The following GATM variants were observed in gnomAD, a reference collection of about 807,000 sequenced individuals.
GATM encodes glycine amidinotransferase, also known as glycine amidinotransferase, mitochondrial.
A neutral mutation model predicts 54.2 loss-of-function variants in GATM; 23 were observed. The ratio of observed to expected loss-of-function variants is 0.42; its 90% CI spans 0.31 to 0.60. The LOEUF is 0.60. Ranked by LOEUF, GATM falls within the 20% of genes least tolerant of loss-of-function variation. The pLI is 0.14. For missense variants in GATM, 401 were observed against 544.9 expected (o/e 0.74, Z 2.63); for synonymous variants, 168 against 183.1 (o/e 0.92, Z 0.67).
chr15:45,391,153 C>T (rs1352713910), intron 3 of GATM, among the ~76,000 whole-genome samples: 1 of 151,958 alleles, frequency 6.6e-6, no homozygotes, highest in East Asian at 1.9e-4. Flanking sequence ...GCCTGTAATC[C>T]CAGCACTTTG....
intron 6 of GATM, 24 bp from the exon 7 acceptor site, chr15:45,364,884 A>C (rs1274543430): frequency 1.9e-6 from 3 of 1,600,540 alleles, no homozygotes; most frequent in African/African-American, 2.7e-5. Context: ...AAAAACCCCC[A>C]AAACCGTTAA....
chr15:45,399,692 A>G (rs951139865), intron 1 of GATM: 1 of 152,226 alleles, frequency 6.6e-6, no homozygotes, highest in African/African-American at 2.4e-5. Context: ...ATATAGAGAC[A>G]ACAGATGGCT....
chr15:45,368,032 A>G lies in GATM; in HGVS notation c.675+38T>C. 1 of 1,573,604 alleles carries G rather than the reference A, an allele frequency of 6.4e-7. No homozygotes were observed. Among genetic ancestry groups the G allele is most frequent in the East Asian group, 2.2e-5 (1 of 44,686 alleles). ...TCTTACTCTTTGTGGATCATTTAGA[A>G]AAGTTAGTAATAAGCTAGCCTATAA... On this transcript the variant is annotated intron_variant, in intron 4 of 8. Transcript: ENST00000396659. This position sits in a 1 kb window ranked among gnomAD's most constrained non-coding sequence, Gnocchi z 5.1.
chr15:45,396,875 A>G (rs1889940507), intron 3 of GATM: 2 of 150,212 alleles, frequency 1.3e-5, no homozygotes, highest in Non-Finnish European at 2.9e-5. Flanking sequence ...GTCTCAAAAA[A>G]AAAAAAAAAA....
At chr15:45,370,195 G>A (rs376573635) in intron 2 of GATM, among the ~76,000 whole-genome samples, 2 of 151,874 alleles carry the variant, frequency 1.3e-5, no homozygotes, top group African/African-American at 4.8e-5. Flanking sequence ...GGCCAACATG[G>A]GGAAACCCCA....
rs1889368793 is a variant in GATM at position 45,361,782 on chromosome 15, G to GA, written c.*326dup. 1 of 489,102 alleles carries GA rather than the reference G, an allele frequency of 2.0e-6. No homozygotes were observed. The highest frequency in any genetic ancestry group is 2.0e-5 in the African/African-American group (1 of 51,240). The allele number at this position is 489,102 out of a possible 1,614,324, so 30.3% of individuals were successfully genotyped here. On this transcript the variant is annotated 3_prime_UTR_variant, in exon 9 of 9. Transcript: ENST00000396659. ...GACCAACATTTCAAGCTGCCTTTTGGAAAGAAAATTAAAAACAGAGGTAGA... is the reference window on the plus strand; with the variant it reads ...GACCAACATTTCAAGCTGCCTTTTGGAAAAGAAAATTAAAAACAGAGGTAGA...
intron 3 of GATM, among the ~76,000 whole-genome samples, chr15:45,394,607 T>C (rs1173619803): frequency 6.6e-6 from 1 of 152,188 alleles, no homozygotes; most frequent in Non-Finnish European, 1.5e-5. Context: ...TTCTGAAACA[T>C]ACTGAGTTCA....
intron 1 of GATM, among the ~76,000 whole-genome samples, chr15:45,400,545 T>G (rs1889988422): frequency 6.6e-6 from 1 of 152,134 alleles, no homozygotes; most frequent in African/African-American, 2.4e-5. Context: ...GGTCAGAGGG[T>G]TCTTGTTTGA....
chr15:45,373,513 A>C (rs939648023), intron 2 of GATM, among the ~76,000 whole-genome samples: 2 of 130,614 alleles, frequency 1.5e-5, no homozygotes, highest in Non-Finnish European at 3.2e-5. Flanking sequence ...AAAAAAATAT[A>C]TATCTATATA....
Position 45,376,723 on chromosome 15 carries a change from C to T in GATM, c.166G>A (p.Ala56Thr). The change falls in exon 2 of 9, where the codon GCC becomes ACC. Residue 56 changes from alanine to threonine, a missense_variant. Physicochemically the swap from Ala to Thr is moderately conservative, Grantham distance 58. Coordinates refer to ENST00000396659, the MANE Select transcript of GATM (RefSeq NM_001482.3). ...SRNSCAADDK[A>T]TEPLPKDCPV... is the part of the protein sequence containing the mutation. ...CAGTCCTTGGGCAGAGGCTCAGTGGCTTTGTCGTCAGCTGCACAGGAGTTC... is the reference window on the plus strand; with the variant it reads ...CAGTCCTTGGGCAGAGGCTCAGTGGTTTTGTCGTCAGCTGCACAGGAGTTC... 3 of 1,614,200 alleles carry T rather than the reference C, an allele frequency of 1.9e-6. No individual in the cohort carries two copies. The highest frequency in any genetic ancestry group is 1.7e-6 in the Non-Finnish European group (2 of 1,180,042).
chr15:45,376,115 G>C (rs1389259258), intron 2 of GATM, among the ~76,000 whole-genome samples: 4 of 152,202 alleles, frequency 2.6e-5, no homozygotes, highest in African/African-American at 9.6e-5. Flanking sequence ...GCAGGAATGA[G>C]GAGGGATCCA....
intron 3 of GATM, among the ~76,000 whole-genome samples, chr15:45,387,001 T>A (rs564823099): frequency 5.9e-5 from 9 of 152,188 alleles, no homozygotes; most frequent in Non-Finnish European, 1.2e-4. Flanking sequence ...TATTCAGAAT[T>A]TAAAAGCAAA....
chr15:45,364,647 C>A (rs1889419057), intron 7 of GATM, 150 bp downstream of exon 7: 2 of 707,946 alleles, frequency 2.8e-6, no homozygotes, highest in South Asian at 3.3e-5. Flanking sequence ...CAGCCTTGTT[C>A]TGATGCTCAC....
intron 2 of GATM, among the ~76,000 whole-genome samples, chr15:45,371,685 T>C (rs991981867): frequency 2.0e-5 from 3 of 152,212 alleles, no homozygotes; most frequent in African/African-American, 4.8e-5. Context: ...AGAACTCAAG[T>C]TCTCTGACTG....
upstream of GATM, chr15:45,378,677 C>T (rs952648585): frequency 2.7e-5 from 11 of 401,888 alleles, no homozygotes; most frequent in African/African-American, 2.1e-4. Context: ...CGGGAAGCGC[C>T]GCGGCCGCTG....
At chr15:45,394,545 T>G (rs916479445) in intron 3 of GATM, among the ~76,000 whole-genome samples, 1 of 152,240 alleles carries the variant, frequency 6.6e-6, no homozygotes, top group African/African-American at 2.4e-5. Flanking sequence ...CGTAGTGTGT[T>G]TGCCAAAACT....
At chr15:45,390,371 A>C (rs1358111275) in intron 3 of GATM, among the ~76,000 whole-genome samples, 1 of 152,262 alleles carries the variant, frequency 6.6e-6, no homozygotes, top group Non-Finnish European at 1.5e-5. Context: ...TACAAAAAGA[A>C]GGAGCTAGGT....
At chr15:45,379,688 G>C (rs1305962257), upstream of GATM, 1 of 152,270 alleles carries the variant, frequency 6.6e-6, no homozygotes. Flanking sequence ...CTTGATGCGT[G>C]GCATTAGAGC....
intron 2 of GATM, among the ~76,000 whole-genome samples, chr15:45,372,936 T>C (rs1015421285): frequency 3.9e-5 from 6 of 152,242 alleles, no homozygotes; most frequent in African/African-American, 1.2e-4. Context: ...GAACACTATA[T>C]TAGACGCTTA....
Sources: gnomAD v4.1 joint callset for allele counts (sites outside exome capture counted in the v4.1 genomes callset) on GRCh38, gnomAD v4.1.1 for gene constraint, Gnocchi (gnomAD v3.1) non-coding constraint, MANE v1.5 for transcripts, NCBI Gene and HGNC (gene_info 2026-07-23, HGNC 2026-07-21) for gene names.